NUP210: variants seen among roughly 807,000 people sequenced by gnomAD.
The protein encoded by NUP210 is nuclear pore membrane glycoprotein 210.
In NUP210, 151 loss-of-function variants were observed where a neutral mutation model predicts 196.0. The ratio of observed to expected loss-of-function variants is 0.77; its 90% CI spans 0.67 to 0.88. The LOEUF (loss-of-function observed/expected upper bound fraction) is 0.88, where lower values mean the gene tolerates loss of function less well. Among genes scored for constraint, NUP210 ranks in the 40% least tolerant of loss-of-function variants. The pLI is 0.00. For missense variants in NUP210, 2,314 were observed against 2,493.7 expected (o/e 0.93, Z 1.53); for synonymous variants, 1,070 against 1,052.7 (o/e 1.02, Z -0.32).
chr3:13,390,277 T>C (rs545639339), intron 4 of NUP210, among the ~76,000 whole-genome samples: 58 of 152,280 alleles, frequency 3.8e-4, no homozygotes, highest in Middle Eastern at 3.4e-3. Flanking sequence ...CTTTTTGGAC[T>C]AAACTGGCAG....
At chr3:13,357,195 C>G (rs1698198393) in intron 16 of NUP210, among the ~76,000 whole-genome samples, 1 of 152,240 alleles carries the variant, frequency 6.6e-6, no homozygotes, top group Non-Finnish European at 1.5e-5. Flanking sequence ...TCCTTCGCTC[C>G]TAGTTACTGA....
chr3:13,412,812 A>G (rs1700221229), intron 1 of NUP210, among the ~76,000 whole-genome samples: 1 of 151,326 alleles, frequency 6.6e-6, no homozygotes, highest in Non-Finnish European at 1.5e-5. Context: ...TCTACTAAAA[A>G]TACAAAAAAT....
At chr3:13,324,156 C>T (rs888290025) in intron 33 of NUP210, among the ~76,000 whole-genome samples, 4 of 152,118 alleles carry the variant, frequency 2.6e-5, no homozygotes, top group African/African-American at 7.2e-5. Context: ...CAGGGCTTAC[C>T]ACCATCCACC....
chr3:13,340,242 C>T lies in NUP210; in HGVS notation c.3285G>A (p.Thr1095=), dbSNP rs765609967. 10 of 1,613,338 alleles carry T rather than the reference C, an allele frequency of 6.2e-6. No homozygotes were observed. Among genetic ancestry groups the T allele is most frequent in the Middle Eastern group, 1.6e-4 (1 of 6,084 alleles). ...GTGGCCTCTTGGCTCTCACCTGCAT[C>T]GTGGCCCCGATAAGCAGTGTCACCT... ...PRKVTLLIGA[T]MQVTSEGGPQ... Residue 1095 remains threonine (T), a synonymous_variant, in exon 24 of 40, where the codon ACG becomes ACA. Transcript: ENST00000254508. This position sits in a 1 kb window ranked among gnomAD's most constrained non-coding sequence, Gnocchi z 4.0.
chr3:13,357,837 C>T (rs961852941), intron 16 of NUP210, among the ~76,000 whole-genome samples: 12 of 152,332 alleles, frequency 7.9e-5, no homozygotes, highest in East Asian at 5.8e-4. Flanking sequence ...GCAGCCCCCA[C>T]GCCTACTCTG....
In NUP210 at chr3:13,347,003, T is replaced by C; in HGVS notation, c.2836-3700A>G. 2.0e-6 allele frequency: 2 copies of C among 985,096 alleles called. No individual in the cohort carries two copies. The highest frequency in any genetic ancestry group is 5.2e-4 in the Middle Eastern group (1 of 1,914). The allele number at this position is 985,096 out of a possible 1,614,324, so 61.0% of individuals were successfully genotyped here. ...GGGGACGTGCACCACTGTCCACAGA[T>C]CAGTCTCAGGGAAAAGGTGGATGCA... is the stretch of plus-strand genomic sequence containing the variant. On this transcript the variant is annotated intron_variant, in intron 20 of 39. Coordinates refer to ENST00000254508, the MANE Select transcript of NUP210 (RefSeq NM_024923.4). The surrounding 1 kb of genome is among the most constrained non-coding windows in gnomAD (Gnocchi z 4.7).
At chr3:13,382,729 G>A (rs1054755977) in intron 6 of NUP210, among the ~76,000 whole-genome samples, 3 of 152,212 alleles carry the variant, frequency 2.0e-5, no homozygotes, top group African/African-American at 7.2e-5. Context: ...TCCACAGGAT[G>A]CCGGGCAAGA....
Position 13,386,555 on chromosome 3 carries a change from A to G in NUP210, c.685-148T>C, listed in dbSNP as rs1699284170. On this transcript the variant is annotated intron_variant, in intron 5 of 39. Coordinates refer to ENST00000254508, the MANE Select transcript of NUP210 (RefSeq NM_024923.4). ...ATATCATTCCCAAATCCTCACTTTC[A>G]GAACCCAGAGGTCCCAGGGGAGCTC... 7.5e-6 allele frequency: 8 copies of G among 1,062,728 alleles called. No homozygotes were observed. In the South Asian group the frequency reaches 1.1e-4, roughly 15 times the overall value. The allele number at this position is 1,062,728 out of a possible 1,614,324, so 65.8% of individuals were successfully genotyped here.
chr3:13,367,656 C>T (rs1698586804), intron 13 of NUP210, among the ~76,000 whole-genome samples: 2 of 152,176 alleles, frequency 1.3e-5, no homozygotes, highest in South Asian at 4.1e-4. Context: ...GTATTGTTCC[C>T]ATAAAGGGAA....
chr3:13,385,915 C>A (rs1699254295), intron 6 of NUP210, among the ~76,000 whole-genome samples: 1 of 152,148 alleles, frequency 6.6e-6, no homozygotes, highest in Non-Finnish European at 1.5e-5. Context: ...TTGAAGACAT[C>A]AGGCTAGGAA....
rs542208190 is a variant in NUP210 at position 13,340,851 on chromosome 3, C to T, written c.3229-553G>A. 1.3e-5 allele frequency among the ~76,000 whole-genome samples: 2 copies of T among 152,266 alleles called. No homozygotes were observed. The highest frequency in any genetic ancestry group is 2.9e-5 in the Non-Finnish European group (2 of 68,006). ...CTCTTTGCAGCAGGTGAAGCCCCCA[C>T]CTGCTCCTCCTGAAACCCCTACAAG... On this transcript the variant is annotated intron_variant, in intron 23 of 39. Transcript: ENST00000254508. The surrounding 1 kb of genome is among the most constrained non-coding windows in gnomAD (Gnocchi z 4.0).
intron 6 of NUP210, among the ~76,000 whole-genome samples, chr3:13,383,136 C>T (rs953065895): frequency 5.3e-5 from 8 of 152,052 alleles, no homozygotes; most frequent in Non-Finnish European, 8.8e-5. Flanking sequence ...CAAAGCAAGA[C>T]TCTCTCTCAA....
intron 1 of NUP210, among the ~76,000 whole-genome samples, chr3:13,400,262 C>T (rs1312336490): frequency 2.0e-5 from 3 of 152,186 alleles, no homozygotes; most frequent in East Asian, 1.9e-4. Context: ...ACAGGCATCT[C>T]GACCGACCTC....
chr3:13,377,484 T>G lies in NUP210; in HGVS notation c.1124A>C (p.Lys375Thr), dbSNP rs752480863. ...LYEITIEVFD[K>T]FSNKVYVSDN... ...AGATACATAGACCTTGTTGCTGAAC[T>G]TGTCAAAAACTTCGATGGTGATTTC... Residue 375 changes from lysine to threonine, a missense_variant, in exon 9 of 40, where the codon AAG becomes ACG. Transcript: ENST00000254508. 9.3e-6 allele frequency: 15 copies of G among 1,613,528 alleles called. No individual in the cohort carries two copies. The highest frequency in any genetic ancestry group is 1.2e-5 in the Non-Finnish European group (14 of 1,179,682).
rs748682509 is a variant in NUP210 at position 13,420,049 on chromosome 3, G to C, written c.167+11C>G. Reference sequence around the variant, plus strand: ...CCCACGGCGCCCGCCCGGCCCGGCCGCGCGCCTCACCAGCGGTAGCAGCCC... The same window carrying C: ...CCCACGGCGCCCGCCCGGCCCGGCCCCGCGCCTCACCAGCGGTAGCAGCCC... On this transcript the variant is annotated intron_variant, in intron 1 of 39. Coordinates refer to ENST00000254508, the MANE Select transcript of NUP210 (RefSeq NM_024923.4). The surrounding 1 kb of genome is among the most constrained non-coding windows in gnomAD (Gnocchi z 4.8). 2.0e-5 allele frequency: 25 copies of C among 1,268,856 alleles called. No individual in the cohort carries two copies. The highest frequency in any genetic ancestry group is 3.7e-5 in the South Asian group (2 of 54,356). 78.6% of individuals were successfully genotyped at this position (1,268,856 alleles called of 1,614,324 possible).
Position 13,420,286 on chromosome 3 carries a change from C to T in NUP210, c.-60G>A, listed in dbSNP as rs1255740784. Reference sequence around the variant, plus strand: ...CGGCCGCCCGCGCCGCCCCGTTGCCCTCCGCTCCCGCCCGCGCGCGCGCCA... The same window carrying T: ...CGGCCGCCCGCGCCGCCCCGTTGCCTTCCGCTCCCGCCCGCGCGCGCGCCA... On this transcript the variant is annotated 5_prime_UTR_variant, in exon 1 of 40. Coordinates refer to ENST00000254508, the MANE Select transcript of NUP210 (RefSeq NM_024923.4). The surrounding 1 kb of genome is among the most constrained non-coding windows in gnomAD (Gnocchi z 4.8). 2 of 1,006,270 alleles carry T rather than the reference C, an allele frequency of 2.0e-6. No homozygotes were observed. The highest frequency in any genetic ancestry group is 1.7e-5 in the African/African-American group (1 of 57,274). The allele number at this position is 1,006,270 out of a possible 1,614,324, so 62.3% of individuals were successfully genotyped here.
intron 6 of NUP210, 24 bp downstream of exon 6, chr3:13,386,251 A>G (rs1383087014): frequency 6.2e-7 from 1 of 1,602,348 alleles, no homozygotes; most frequent in African/African-American, 1.3e-5. Context: ...AGCATCTGTC[A>G]TGATGGCAGA....
At chr3:13,361,765 G>A (rs1209116138) in intron 14 of NUP210, among the ~76,000 whole-genome samples, 2 of 152,064 alleles carry the variant, frequency 1.3e-5, no homozygotes, top group African/African-American at 4.8e-5. Context: ...ACTATTCCAC[G>A]CACCCACGGC....
chr3:13,375,363 A>G (rs1364002283), intron 11 of NUP210, 141 bp downstream of exon 11: 9 of 756,114 alleles, frequency 1.2e-5, no homozygotes, highest in Non-Finnish European at 1.8e-5. Context: ...TATGATGGAA[A>G]CCTCAGGAAA....
Sources: gnomAD v4.1 joint callset for allele counts (sites outside exome capture counted in the v4.1 genomes callset) on GRCh38, gnomAD v4.1.1 for gene constraint, Gnocchi (gnomAD v3.1) non-coding constraint, MANE v1.5 for transcripts, NCBI Gene and HGNC (gene_info 2026-07-23, HGNC 2026-07-21) for gene names.